TTLL5: variants seen among roughly 807,000 people sequenced by gnomAD.
TTLL5 encodes tubulin polyglutamylase TTLL5.
TTLL5 carries 132 observed loss-of-function variants against 168.4 expected under a neutral mutation model. The observed-to-expected ratio is 0.78, with a 90% CI of 0.68 to 0.91. TTLL5 has a LOEUF of 0.91. Ranked by LOEUF, TTLL5 falls within the 40% of genes least tolerant of loss-of-function variation. The pLI is 0.00. For missense variants in TTLL5, 1,545 were observed against 1,581.5 expected (o/e 0.98, Z 0.39); for synonymous variants, 546 against 558.6 (o/e 0.98, Z 0.32).
At chr14:75,914,272 T>C (rs1011947802) in intron 31 of TTLL5, among the ~76,000 whole-genome samples, 2 of 151,618 alleles carry the variant, frequency 1.3e-5, no homozygotes, top group African/African-American at 4.9e-5. Flanking sequence ...AATAAGACCA[T>C]AAACTTTTTG....
chr14:75,698,905 TA>T (rs79334798), intron 6 of TTLL5, among the ~76,000 whole-genome samples: 3,058 of 139,562 alleles, frequency 0.022, 26 homozygotes, highest in Non-Finnish European at 0.028. Context: ...GACCCTGCCT[TA>T]AAAAAAAAAA....
intron 7 of TTLL5, 150 bp downstream of exon 7, chr14:75,699,420 C>A: frequency 1.4e-6 from 1 of 736,824 alleles, no homozygotes; most frequent in Non-Finnish European, 2.3e-6. Context: ...GTAGGTATAA[C>A]TTGACTTGTT....
intron 20 of TTLL5, among the ~76,000 whole-genome samples, chr14:75,768,706 A>G (rs1170635949): frequency 1.3e-5 from 2 of 152,216 alleles, no homozygotes; most frequent in East Asian, 3.8e-4. Flanking sequence ...GTTTAAGAGC[A>G]AGGAAGTTTA....
chr14:75,773,969 G>A lies in TTLL5; in HGVS notation c.2137-1515G>A, dbSNP rs866529089. On this transcript the variant is annotated intron_variant, in intron 21 of 31. Transcript: ENST00000298832. ...AGAGAGAGAGAGAAAGAGAGAGAGA[G>A]AGAGAGAGAGAGAGAGAGAGAGAGA... Among the ~76,000 whole-genome samples, 759 of 125,986 alleles carry A rather than the reference G, an allele frequency of 6.0e-3. 9 individuals carry two copies. The highest frequency in any genetic ancestry group is 0.019 in the African/African-American group (519 of 27,946). The allele number at this position is 125,986 out of a possible 152,430, so 82.7% of individuals were successfully genotyped here.
intron 20 of TTLL5, among the ~76,000 whole-genome samples, chr14:75,770,839 G>A (rs1455652325): frequency 6.6e-6 from 1 of 152,140 alleles, no homozygotes; most frequent in Non-Finnish European, 1.5e-5. Context: ...AAACTCTGTT[G>A]GACCTCCCTC....
At chr14:75,822,602 G>A (rs1283234724) in intron 28 of TTLL5, among the ~76,000 whole-genome samples, 1 of 152,128 alleles carries the variant, frequency 6.6e-6, no homozygotes, top group East Asian at 1.9e-4. Flanking sequence ...TGACTTGGTA[G>A]CCACAGGAAT....
intron 12 of TTLL5, among the ~76,000 whole-genome samples, chr14:75,723,561 T>C (rs1370635456): frequency 6.6e-6 from 1 of 152,220 alleles, no homozygotes; most frequent in Non-Finnish European, 1.5e-5. Context: ...GCTGTAAAAA[T>C]CTTTGTTCTA....
chr14:75,791,680 A>G (rs777727163), intron 26 of TTLL5, among the ~76,000 whole-genome samples: 1 of 152,204 alleles, frequency 6.6e-6, no homozygotes, highest in African/African-American at 2.4e-5. Flanking sequence ...TACAGTATGC[A>G]TATAACTACA....
intron 31 of TTLL5, among the ~76,000 whole-genome samples, chr14:75,952,901 A>G (rs1285771805): frequency 6.6e-6 from 1 of 152,120 alleles, no homozygotes; most frequent in Non-Finnish European, 1.5e-5. Context: ...TATGGGGTTT[A>G]TTTTTGGGGT....
chr14:75,814,535 T>C (rs952155605), intron 27 of TTLL5: 2 of 152,212 alleles, frequency 1.3e-5, no homozygotes, highest in Non-Finnish European at 2.9e-5. Flanking sequence ...TCTCATCCGA[T>C]ACTGGGAGAT....
chr14:75,734,753 C>T (rs746305902), intron 14 of TTLL5, among the ~76,000 whole-genome samples: 7 of 152,228 alleles, frequency 4.6e-5, no homozygotes, highest in Non-Finnish European at 1.0e-4. Flanking sequence ...AGACCACCTT[C>T]TGCAGTTCCA....
chr14:75,785,911 C>G (rs1892337138), intron 26 of TTLL5, among the ~76,000 whole-genome samples: 1 of 152,122 alleles, frequency 6.6e-6, no homozygotes, highest in South Asian at 2.1e-4. Flanking sequence ...CAAGAAAAGG[C>G]AGATGGGATT....
rs145758694 is a variant in TTLL5, at chr14:75,704,721, G to C, written c.586-2297G>C. ...TAGTTGCTCTTCAGTCTGTAACGCT[G>C]TGCAAAGAAACTATATCCAAACCTT... On this transcript the variant is annotated intron_variant, in intron 7 of 31. Transcript: ENST00000298832. 5.2e-3 allele frequency among the ~76,000 whole-genome samples: 791 copies of C among 152,308 alleles called. 6 individuals are homozygous for C. The highest frequency in any genetic ancestry group is 0.015 in the African/African-American group (623 of 41,566).
At chr14:75,892,858 A>G (rs1172416402) in intron 30 of TTLL5, among the ~76,000 whole-genome samples, 1 of 152,188 alleles carries the variant, frequency 6.6e-6, no homozygotes, top group Non-Finnish European at 1.5e-5. Flanking sequence ...CACTGAGGCA[A>G]GTGCCCCAAA....
intron 30 of TTLL5, chr14:75,887,089 G>A: frequency 8.6e-7 from 1 of 1,157,070 alleles, no homozygotes. Context: ...GTGGAAGTTG[G>A]TGGTAACGAC....
intron 9 of TTLL5, among the ~76,000 whole-genome samples, chr14:75,714,956 T>C (rs1887328342): frequency 1.3e-5 from 2 of 152,238 alleles, no homozygotes; most frequent in Admixed American, 6.5e-5. Context: ...CTCTAATGTA[T>C]TGTTGAAAAA....
At chr14:75,915,665 C>T (rs1340940032) in intron 31 of TTLL5, among the ~76,000 whole-genome samples, 1 of 152,148 alleles carries the variant, frequency 6.6e-6, no homozygotes, top group African/African-American at 2.4e-5. Flanking sequence ...TCAATAGCAA[C>T]AGCAAAAATT....
rs114895261 is a variant in TTLL5 at position 75,668,194 on chromosome 14, C to T, written c.75-1222C>T. Among the ~76,000 whole-genome samples the T allele has an allele frequency of 6.2e-3, 940 of 152,208 alleles. 8 individuals are homozygous for T. Among genetic ancestry groups the T allele is most frequent in the African/African-American group, 0.022 (893 of 41,516 alleles). On this transcript the variant is annotated intron_variant, in intron 2 of 31. Coordinates refer to ENST00000298832, the MANE Select transcript of TTLL5 (RefSeq NM_015072.5). Reference sequence around the variant, plus strand: ...AATCTTGGCCAAGTGGATTGTATTGCATTTAAGGAATTATCAGTTTAAGTT... The same window carrying T: ...AATCTTGGCCAAGTGGATTGTATTGTATTTAAGGAATTATCAGTTTAAGTT...
chr14:75,664,098 A>G (rs1315575276), intron 2 of TTLL5, among the ~76,000 whole-genome samples: 2 of 152,130 alleles, frequency 1.3e-5, no homozygotes, highest in African/African-American at 4.8e-5. Flanking sequence ...AAAAAAAAAA[A>G]GAATGATAAT....
Sources: allele counts gnomAD v4.1 joint callset (sites outside exome capture counted in the v4.1 genomes callset), GRCh38; gene constraint gnomAD v4.1.1; transcripts MANE v1.5; gene names NCBI Gene and HGNC (gene_info 2026-07-23, HGNC 2026-07-21).